Variants in HP1BP3 observed in about 807,000 individuals in gnomAD.
HP1BP3 encodes heterochromatin protein 1 binding protein 3.
A neutral mutation model predicts 62.5 loss-of-function variants in HP1BP3; 12 were observed. That is an observed-to-expected ratio of 0.19 (90% CI 0.12 to 0.31). The LOEUF is 0.31. Ranked by LOEUF, HP1BP3 falls within the 10% of genes least tolerant of loss-of-function variation. HP1BP3 has a pLI of 1.00. For missense variants in HP1BP3, 502 were observed against 651.8 expected (o/e 0.77, Z 2.50); for synonymous variants, 260 against 237.8 (o/e 1.09, Z -0.86).
intron 1 of HP1BP3, among the ~76,000 whole-genome samples, chr1:20,784,541 C>T (rs2057729033): frequency 6.9e-6 from 1 of 145,614 alleles, no homozygotes; most frequent in Admixed American, 7.0e-5. Flanking sequence ...TGCGGTGGCG[C>T]GATCTCGGCT....
chr1:20,744,549 A>G lies in HP1BP3; in HGVS notation c.*248T>C, dbSNP rs1042181785. ...GGAGGCAGAGAAAAAGGACAAGTAT[A>G]CATTACATAGTTTAGGAAAGTCCAG... On this transcript the variant is annotated 3_prime_UTR_variant, in exon 13 of 13. Coordinates refer to ENST00000438032, the MANE Select transcript of HP1BP3 (RefSeq NM_001372052.1). The G allele has an allele frequency of 4.7e-6, 2 of 428,696 alleles. No homozygotes were observed. The highest frequency in any genetic ancestry group is 2.0e-5 in the African/African-American group (1 of 48,894). 26.6% of individuals were successfully genotyped at this position (428,696 alleles called of 1,614,324 possible).
intron 9 of HP1BP3, among the ~76,000 whole-genome samples, chr1:20,753,592 G>T (rs1041305820): frequency 1.3e-5 from 2 of 152,060 alleles, no homozygotes; most frequent in African/African-American, 4.8e-5. Flanking sequence ...CCAATGTATC[G>T]TGCTACAAAA....
intron 5 of HP1BP3, among the ~76,000 whole-genome samples, chr1:20,771,413 CACTT>C (rs1286626581): frequency 1.3e-5 from 2 of 152,184 alleles, no homozygotes; most frequent in Non-Finnish European, 2.9e-5. Context: ...ACAAACCTAT[CACTT>C]ACAGGATCAC....
chr1:20,750,002 A>G, intron 9 of HP1BP3, 120 bp from the exon 10 acceptor site: 1 of 1,465,730 alleles, frequency 6.8e-7, no homozygotes, highest in Non-Finnish European at 9.0e-7. Context: ...ATGTTTTACA[A>G]TAAATTGTCA....
chr1:20,769,576 A>G (rs2056957773), intron 6 of HP1BP3, among the ~76,000 whole-genome samples: 1 of 152,078 alleles, frequency 6.6e-6, no homozygotes, highest in Admixed American at 6.5e-5. Flanking sequence ...ATAAAATAGA[A>G]TAAAGAAATA....
chr1:20,764,375 C>T lies in HP1BP3; in HGVS notation c.890+1002G>A, dbSNP rs551312107. Among the ~76,000 whole-genome samples the T allele has an allele frequency of 6.6e-5, 10 of 151,106 alleles. No homozygotes were observed. The South Asian group carries it at 1.9e-3, about 29-fold the overall frequency. ...GTTTTTTTTTTGAGACGGAGTTTTGCTCTTGGTGCCCAGGCTGGAGTGCAA... is the reference window on the plus strand; with the variant it reads ...GTTTTTTTTTTGAGACGGAGTTTTGTTCTTGGTGCCCAGGCTGGAGTGCAA... On this transcript the variant is annotated intron_variant, in intron 8 of 12. Coordinates refer to ENST00000438032, the MANE Select transcript of HP1BP3 (RefSeq NM_001372052.1).
At position 20,773,489 on chromosome 1, in the gene HP1BP3, G is replaced by A. The variant is rs2057153568; in HGVS notation, c.472C>T (p.Arg158Cys). ...QKQTPMASSP[R>C]PKMDAILTEA... Reference sequence around the variant, plus strand: ...GTTAAGATTGCATCCATCTTGGGACGTGGGGAAGAAGCCATCGGTGTTTGT... The same window carrying A: ...GTTAAGATTGCATCCATCTTGGGACATGGGGAAGAAGCCATCGGTGTTTGT... The change falls in exon 5 of 13, where the codon CGT becomes TGT. Residue 158 changes from arginine to cysteine, a missense_variant. Physicochemically the swap from Arg to Cys is radical, Grantham distance 180. This residue lies in a region of HP1BP3 where 25 missense variants were observed against 22.5 expected (regional missense o/e 1.11). Transcript: ENST00000438032. 1.9e-6 allele frequency: 3 copies of A among 1,612,860 alleles called. No individual in the cohort carries two copies. The highest frequency in any genetic ancestry group is 1.1e-5 in the South Asian group (1 of 90,862).
At chr1:20,762,286 C>T (rs2056526995) in intron 8 of HP1BP3, among the ~76,000 whole-genome samples, 1 of 152,104 alleles carries the variant, frequency 6.6e-6, no homozygotes, top group African/African-American at 2.4e-5. Flanking sequence ...GGGTTGACAA[C>T]CCATCCATTA....
chr1:20,784,481 T>C (rs564782857), intron 1 of HP1BP3, among the ~76,000 whole-genome samples: 1,510 of 149,078 alleles, frequency 0.01, 14 homozygotes, highest in Non-Finnish European at 0.016. Flanking sequence ...TTTCCCTTTT[T>C]TTTTTTTTTT....
intron 4 of HP1BP3, 134 bp downstream of exon 4, chr1:20,776,463 T>C (rs1036164740): frequency 2.6e-6 from 2 of 766,882 alleles, no homozygotes; most frequent in Non-Finnish European, 4.2e-6. Flanking sequence ...CTATTTCAAA[T>C]GGTAATTCTA....
chr1:20,750,322 AACACACACACACACACAC>A lies in HP1BP3; in HGVS notation c.982-458_982-441del, dbSNP rs67464129. 819 of 139,152 alleles carry A rather than the reference AACACACACACACACACAC, an allele frequency of 5.9e-3. 3 individuals are homozygous for A. Among genetic ancestry groups the A allele is most frequent in the African/African-American group, 0.015 (513 of 34,746 alleles). 8.6% of individuals were successfully genotyped at this position (139,152 alleles called of 1,614,324 possible). ...CATGGCGAAACCTGTCTCTACTAAA[AACACACACACACACACAC>A]ACACACACACACACACACACACACA... On this transcript the variant is annotated intron_variant, in intron 9 of 12. Coordinates refer to ENST00000438032, the MANE Select transcript of HP1BP3 (RefSeq NM_001372052.1).
intron 7 of HP1BP3, among the ~76,000 whole-genome samples, chr1:20,766,869 G>T (rs2056811456): frequency 6.6e-6 from 1 of 152,156 alleles, no homozygotes; most frequent in Admixed American, 6.5e-5. Flanking sequence ...CTTGAATCCG[G>T]GAAGCAGAGG....
chr1:20,745,207 A>AT lies in HP1BP3; in HGVS notation c.1368-117dup, dbSNP rs1462658360. 8.3e-6 allele frequency: 10 copies of AT among 1,202,560 alleles called. No individual in the cohort carries two copies. In the African/African-American group the frequency reaches 1.5e-4, roughly 18 times the overall value. 74.5% of individuals were successfully genotyped at this position (1,202,560 alleles called of 1,614,324 possible). A position where few individuals can be genotyped will look rare whatever the true frequency, so the allele number is the denominator to read the frequency against. ...TATGAAGTGGTCACTTACGTTAAGA[A>AT]TAGGAATGTGACAATTTTTTACTAG... On this transcript the variant is annotated intron_variant, in intron 12 of 12. Coordinates refer to ENST00000438032, the MANE Select transcript of HP1BP3 (RefSeq NM_001372052.1).
intron 1 of HP1BP3, among the ~76,000 whole-genome samples, chr1:20,785,084 G>C (rs2985315): frequency 0.98 from 149,174 of 152,296 alleles, 73,119 homozygotes; most frequent in East Asian, 1. Context: ...CACCACAGCC[G>C]GATAGTTTTT....
chr1:20,776,256 C>G (rs1252307046), intron 4 of HP1BP3: 3 of 441,150 alleles, frequency 6.8e-6, no homozygotes, highest in Non-Finnish European at 1.2e-5. Flanking sequence ...GAAATGTCTT[C>G]TAGGTCAGAT....
At chr1:20,761,070 A>G (rs2154540343) in intron 8 of HP1BP3, among the ~76,000 whole-genome samples, 1 of 152,188 alleles carries the variant, frequency 6.6e-6, no homozygotes, top group Middle Eastern at 3.4e-3. Flanking sequence ...TTGGAGACGG[A>G]GCCTCACTCT....
intron 9 of HP1BP3, among the ~76,000 whole-genome samples, chr1:20,753,177 G>A (rs1046077167): frequency 1.3e-5 from 2 of 152,066 alleles, no homozygotes; most frequent in African/African-American, 4.8e-5. Flanking sequence ...TCCTGACCTC[G>A]TGATTCGCCC....
chr1:20,770,009 C>A (rs772205227), intron 6 of HP1BP3, among the ~76,000 whole-genome samples: 29 of 152,156 alleles, frequency 1.9e-4, no homozygotes, highest in Non-Finnish European at 3.7e-4. Context: ...AAGACCTTAG[C>A]AGTTATTTCA....
chr1:20,781,601 G>C (rs1410319280), intron 1 of HP1BP3, among the ~76,000 whole-genome samples: 1 of 152,156 alleles, frequency 6.6e-6, no homozygotes, highest in Non-Finnish European at 1.5e-5. Flanking sequence ...CATACTTAGG[G>C]AACCAGAATA....
Sources: allele counts gnomAD v4.1 joint callset (sites outside exome capture counted in the v4.1 genomes callset), GRCh38; gene constraint gnomAD v4.1.1; regional missense constraint gnomAD v4.1.1; transcripts MANE v1.5; gene names NCBI Gene and HGNC (gene_info 2026-07-23, HGNC 2026-07-21).